TLN2: variants seen among roughly 807,000 people sequenced by gnomAD.
The protein encoded by TLN2 is talin-2.
A neutral mutation model predicts 294.7 loss-of-function variants in TLN2; 118 were observed. The observed-to-expected ratio is 0.40, with a 90% CI of 0.34 to 0.47. The LOEUF is 0.47. TLN2 is among the 20% of genes least tolerant of loss of function. The pLI, the probability that TLN2 is intolerant of heterozygous loss-of-function variation, is 0.84. For synonymous variants in TLN2, 1,431 were observed against 1,304.5 expected (o/e 1.10, Z -2.09); for missense variants, 3,083 against 3,282.2 (o/e 0.94, Z 1.48).
chr15:62,709,898 C>G (rs1009475753), intron 21 of TLN2, among the ~76,000 whole-genome samples: 2 of 152,014 alleles, frequency 1.3e-5, no homozygotes, highest in African/African-American at 4.8e-5. Context: ...TGATGCCCGG[C>G]TAATTTTTGT....
At chr15:62,430,867 A>G (rs992766236) in intron 1 of TLN2, among the ~76,000 whole-genome samples, 1 of 151,852 alleles carries the variant, frequency 6.6e-6, no homozygotes, top group African/African-American at 2.4e-5. Flanking sequence ...CATTGGAGAG[A>G]TCAATTTGGT....
At chr15:62,725,696 G>A (rs768314858) in intron 27 of TLN2, among the ~76,000 whole-genome samples, 5 of 152,210 alleles carry the variant, frequency 3.3e-5, no homozygotes, top group African/African-American at 1.2e-4. Flanking sequence ...GTAGTTTATC[G>A]TGATAGTAAC....
chr15:62,561,969 G>A (rs1344953066), intron 1 of TLN2, among the ~76,000 whole-genome samples: 1 of 151,996 alleles, frequency 6.6e-6, no homozygotes, highest in Non-Finnish European at 1.5e-5. Flanking sequence ...CTGCGTTCAC[G>A]TTTTGAGTTG....
At position 62,697,825 on chromosome 15, in the gene TLN2, A is replaced by G. The variant is rs1373767624; in HGVS notation, c.1430A>G (p.Gln477Arg). 3 of 1,613,074 alleles carry G rather than the reference A, an allele frequency of 1.9e-6. No homozygotes were observed. In the South Asian group the frequency reaches 3.3e-5, roughly 18 times the overall value. ...GGCAGCATGCCCTCGCCACAGCAGC[A>G]GGTCATGGTTGGGCAGATGCACCGA... ...NVGSMPSPQQ[Q>R]VMVGQMHRGH... Residue 477 changes from glutamine to arginine, a missense_variant, in exon 15 of 59, where the codon CAG (glutamine) becomes CGG (arginine). Transcript: ENST00000636159.
At chr15:62,810,978 C>T (rs1004323193) in intron 52 of TLN2, among the ~76,000 whole-genome samples, 30 of 152,230 alleles carry the variant, frequency 2.0e-4, no homozygotes, top group Non-Finnish European at 7.3e-5. Flanking sequence ...TGTCCTTGCG[C>T]AGCCATGAGG....
chr15:62,793,433 G>A (rs1268105137), intron 46 of TLN2, among the ~76,000 whole-genome samples: 2 of 152,216 alleles, frequency 1.3e-5, no homozygotes, highest in Non-Finnish European at 2.9e-5. Context: ...TTCCTCATCT[G>A]TAAAATGAGG....
At chr15:62,672,721 C>A (rs2055576986) in intron 9 of TLN2, among the ~76,000 whole-genome samples, 1 of 152,038 alleles carries the variant, frequency 6.6e-6, no homozygotes, top group Non-Finnish European at 1.5e-5. Context: ...ATCTGAGACT[C>A]ACTGGTTCCT....
intron 9 of TLN2, among the ~76,000 whole-genome samples, chr15:62,664,959 T>G (rs2054414293): frequency 6.7e-6 from 1 of 150,196 alleles, no homozygotes; most frequent in Non-Finnish European, 1.5e-5. Flanking sequence ...GAAGTAGCAG[T>G]CATAAAGCAG....
intron 1 of TLN2, among the ~76,000 whole-genome samples, chr15:62,538,822 C>A (rs1239433016): frequency 6.6e-6 from 1 of 152,076 alleles, no homozygotes; most frequent in African/African-American, 2.4e-5. Context: ...GTTACAATTT[C>A]TAAGAACAAA....
At chr15:62,674,614 G>T (rs1251539299) in intron 10 of TLN2, among the ~76,000 whole-genome samples, 1 of 149,944 alleles carries the variant, frequency 6.7e-6, no homozygotes, top group East Asian at 2.0e-4. Flanking sequence ...TGATTCTTGT[G>T]CCTCAGCCTA....
chr15:62,821,169 G>A (rs2067532858), intron 54 of TLN2, among the ~76,000 whole-genome samples: 1 of 152,232 alleles, frequency 6.6e-6, no homozygotes, highest in African/African-American at 2.4e-5. Flanking sequence ...AAAGGAAAGA[G>A]ATACTTTTAG....
chr15:62,781,051 T>C, intron 43 of TLN2, 89 bp from the exon 44 acceptor site: 1 of 973,958 alleles, frequency 1.0e-6, no homozygotes, highest in Non-Finnish European at 1.6e-6. Context: ...AGGCCCTCTC[T>C]GTTTTTCAAA....
intron 33 of TLN2, among the ~76,000 whole-genome samples, chr15:62,748,963 C>G (rs571359460): frequency 6.6e-6 from 1 of 152,210 alleles, no homozygotes; most frequent in Non-Finnish European, 1.5e-5. Context: ...CCTAAGGGCC[C>G]AGAACACAGT....
chr15:62,542,183 G>T (rs2041729416), intron 1 of TLN2, among the ~76,000 whole-genome samples: 1 of 151,910 alleles, frequency 6.6e-6, no homozygotes, highest in African/African-American at 2.4e-5. Context: ...AGGGGGTTAC[G>T]TTCCATTTAG....
intron 1 of TLN2, among the ~76,000 whole-genome samples, chr15:62,425,345 GC>G (rs966720173): frequency 6.6e-6 from 1 of 152,130 alleles, no homozygotes; most frequent in African/African-American, 2.4e-5. Context: ...TTGATCTCCA[GC>G]AGATTCTCTT....
chr15:62,482,976 G>A (rs1595905418), intron 1 of TLN2, among the ~76,000 whole-genome samples: 1 of 152,278 alleles, frequency 6.6e-6, no homozygotes, highest in East Asian at 1.9e-4. Context: ...TCTTGTGGAG[G>A]TGTGAATGAG....
At chr15:62,408,868 C>G (rs1356508783) in intron 1 of TLN2, among the ~76,000 whole-genome samples, 2 of 151,936 alleles carry the variant, frequency 1.3e-5, no homozygotes, top group Non-Finnish European at 2.9e-5. Flanking sequence ...CTTTGTTGCC[C>G]AGGCTGTTCT....
rs1289579100 is a variant in TLN2, at chr15:62,708,754, A to G, written c.2425A>G (p.Met809Val). ...GRYDQATDTIMCVTESIFSSM... is the reference protein window; with the variant it reads ...GRYDQATDTIVCVTESIFSSM... ...CTACGACCAGGCTACTGACACCATCATGTGTGTCACCGAGAGCATCTTCAG... is the reference window on the plus strand; with the variant it reads ...CTACGACCAGGCTACTGACACCATCGTGTGTGTCACCGAGAGCATCTTCAG... The change falls in exon 21 of 59, where the codon ATG (methionine) becomes GTG (valine). Residue 809 changes from methionine (M) to valine (V), a missense_variant. Physicochemically the swap from Met to Val is conservative, Grantham distance 21. Coordinates refer to ENST00000636159, the MANE Select transcript of TLN2 (RefSeq NM_015059.3). 3.7e-6 allele frequency: 6 copies of G among 1,608,530 alleles called. No individual in the cohort carries two copies. Among genetic ancestry groups the G allele is most frequent in the Non-Finnish European group, 2.5e-6 (3 of 1,179,970 alleles).
At chr15:62,805,287 A>ACCTTT (rs1430847888) in intron 50 of TLN2, among the ~76,000 whole-genome samples, 2 of 151,996 alleles carry the variant, frequency 1.3e-5, no homozygotes. Flanking sequence ...CCATACAACA[A>ACCTTT]CCTTTCACAG....
Sources: gnomAD v4.1 joint callset for allele counts (sites outside exome capture counted in the v4.1 genomes callset) on GRCh38, gnomAD v4.1.1 for gene constraint, MANE v1.5 for transcripts, NCBI Gene and HGNC (gene_info 2026-07-23, HGNC 2026-07-21) for gene names.